Variants in STAU2 observed in about 807,000 individuals in gnomAD.
STAU2 encodes the protein staufen double-stranded RNA binding protein 2.
STAU2 carries 20 observed loss-of-function variants against 65.9 expected under a neutral mutation model. The observed-to-expected ratio is 0.30, with a 90% CI of 0.21 to 0.44. The LOEUF (loss-of-function observed/expected upper bound fraction) is 0.44. Among genes scored for constraint, STAU2 ranks in the 20% least tolerant of loss-of-function variants. STAU2 has a pLI of 1.00. For missense variants in STAU2, 558 were observed against 683.9 expected (o/e 0.82, Z 2.05); for synonymous variants, 232 against 233.9 (o/e 0.99, Z 0.07).
At chr8:73,597,486 T>TC (rs1261443015) in intron 10 of STAU2, among the ~76,000 whole-genome samples, 1 of 147,060 alleles carries the variant, frequency 6.8e-6, no homozygotes. Context: ...AAACCCTGTC[T>TC]TACTAAAAAT....
chr8:73,699,221 G>A (rs1287358504), intron 4 of STAU2, among the ~76,000 whole-genome samples: 1 of 151,844 alleles, frequency 6.6e-6, no homozygotes, highest in African/African-American at 2.4e-5. Context: ...CATCAAAAAA[G>A]TGGAAAAATT....
chr8:73,712,303 T>C (rs186142734), intron 3 of STAU2, among the ~76,000 whole-genome samples: 1 of 152,170 alleles, frequency 6.6e-6, no homozygotes, highest in South Asian at 2.1e-4. Context: ...CTCTGCCACT[T>C]TGAAAGAACA....
intron 13 of STAU2, among the ~76,000 whole-genome samples, chr8:73,426,654 G>A (rs1286501586): frequency 6.6e-6 from 1 of 151,934 alleles, no homozygotes; most frequent in Non-Finnish European, 1.5e-5. Context: ...CTTTTTTTAC[G>A]GCCGAGTAGT....
chr8:73,449,513 G>T (rs1217694313), intron 13 of STAU2, among the ~76,000 whole-genome samples: 4 of 152,180 alleles, frequency 2.6e-5, no homozygotes, highest in Non-Finnish European at 5.9e-5. Context: ...GGGCTTCAAC[G>T]GATGAATTAC....
At chr8:73,686,782 A>C (rs1055682574) in intron 5 of STAU2, among the ~76,000 whole-genome samples, 21 of 152,018 alleles carry the variant, frequency 1.4e-4, no homozygotes, top group African/African-American at 4.6e-4. Context: ...TATTGTATGC[A>C]ATTAGAACAA....
chr8:73,746,875 G>C (rs1807329128), upstream of STAU2: 6 of 1,180,690 alleles, frequency 5.1e-6, no homozygotes, highest in African/African-American at 1.6e-5. Flanking sequence ...TCCACCCCTC[G>C]GGCTCCCCGC....
At chr8:73,429,821 T>G (rs1329514537) in intron 13 of STAU2, among the ~76,000 whole-genome samples, 1 of 152,198 alleles carries the variant, frequency 6.6e-6, no homozygotes, top group Non-Finnish European at 1.5e-5. Flanking sequence ...AATCACTCAT[T>G]ACCTCTTCCA....
intron 13 of STAU2, among the ~76,000 whole-genome samples, chr8:73,524,180 A>C (rs902509816): frequency 2.6e-5 from 4 of 152,164 alleles, no homozygotes; most frequent in African/African-American, 9.7e-5. Context: ...AGGTGGTGAG[A>C]AGCAGTCAGG....
chr8:73,671,393 C>CAAAA (rs200155672), intron 6 of STAU2, among the ~76,000 whole-genome samples: 1 of 124,094 alleles, frequency 8.1e-6, no homozygotes, highest in African/African-American at 3.1e-5. Context: ...AACAAACAAA[C>CAAAA]AAACAAAAAA....
intron 13 of STAU2, among the ~76,000 whole-genome samples, chr8:73,471,191 G>A (rs77275994): frequency 9.1e-5 from 3 of 33,064 alleles, no homozygotes; most frequent in Non-Finnish European, 1.9e-4. Flanking sequence ...TTTTTTTTTT[G>A]AGACAGAGTC....
intron 13 of STAU2, chr8:73,550,311 G>A (rs532832279): frequency 2.0e-6 from 2 of 983,094 alleles, no homozygotes; most frequent in Non-Finnish European, 2.4e-6. Flanking sequence ...GACTCTACAT[G>A]TTGACTACAG....
intron 13 of STAU2, among the ~76,000 whole-genome samples, chr8:73,425,622 T>C (rs571666695): frequency 6.8e-6 from 1 of 147,532 alleles, no homozygotes; most frequent in African/African-American, 2.6e-5. Flanking sequence ...TAGCAAAATC[T>C]CTCTCTCTCT....
intron 6 of STAU2, among the ~76,000 whole-genome samples, chr8:73,628,235 G>C (rs973595364): frequency 4.8e-5 from 7 of 146,190 alleles, no homozygotes; most frequent in African/African-American, 1.8e-4. Context: ...CATCATGCCT[G>C]GCTAATTTTT....
chr8:73,498,892 A>T (rs889874079), intron 13 of STAU2, among the ~76,000 whole-genome samples: 37 of 151,854 alleles, frequency 2.4e-4, no homozygotes, highest in Non-Finnish European at 4.0e-4. Flanking sequence ...GTCCAACACT[A>T]GTCTAGATGT....
chr8:73,637,477 TAAAAAAAAA>T (rs60833468), intron 6 of STAU2, among the ~76,000 whole-genome samples: 4 of 57,086 alleles, frequency 7.0e-5, no homozygotes, highest in African/African-American at 1.5e-4. Flanking sequence ...GTGCTGAAAG[TAAAAAAAAA>T]AAAAAAAAAA....
At chr8:73,697,610 T>G (rs956670317) in intron 4 of STAU2, among the ~76,000 whole-genome samples, 3 of 152,112 alleles carry the variant, frequency 2.0e-5, no homozygotes, top group African/African-American at 7.2e-5. Flanking sequence ...TCAAAAATAA[T>G]AGCTACAACA....
chr8:73,472,484 G>A (rs1355435396), intron 13 of STAU2, among the ~76,000 whole-genome samples: 1 of 152,126 alleles, frequency 6.6e-6, no homozygotes, highest in Non-Finnish European at 1.5e-5. Flanking sequence ...TCAACTGTAA[G>A]TGTGCACTAT....
At chr8:73,620,173 T>A (rs10095355) in intron 6 of STAU2, among the ~76,000 whole-genome samples, 148,045 of 152,302 alleles carry the variant, frequency 0.97, 71,975 homozygotes, top group East Asian at 1. Flanking sequence ...TTCATATTTC[T>A]CAAAATTCAA....
intron 3 of STAU2, among the ~76,000 whole-genome samples, chr8:73,722,687 AT>A (rs1821769187): frequency 6.6e-6 from 1 of 151,956 alleles, no homozygotes; most frequent in Non-Finnish European, 1.5e-5. Context: ...TGCTTTTCAG[AT>A]TTTCTCTTTA....
Sources: allele counts gnomAD v4.1 joint callset (sites outside exome capture counted in the v4.1 genomes callset), GRCh38; gene constraint gnomAD v4.1.1; transcripts MANE v1.5; gene names NCBI Gene and HGNC (gene_info 2026-07-23, HGNC 2026-07-21).